The following CABLES1 variants were observed in gnomAD, a reference collection of about 807,000 sequenced individuals.
CABLES1 encodes the protein Cdk5 and Abl enzyme substrate 1, also known as CDK5 and ABL1 enzyme substrate 1.
CABLES1 carries 36 observed loss-of-function variants against 57.8 expected under a neutral mutation model. That is an observed-to-expected ratio of 0.62 (90% CI 0.48 to 0.82). CABLES1 has a LOEUF of 0.82. Among genes scored for constraint, CABLES1 ranks in the 40% least tolerant of loss-of-function variants. The pLI, the probability that CABLES1 is intolerant of heterozygous loss-of-function variation, is 0.00. For synonymous variants in CABLES1, 374 were observed against 363.0 expected (o/e 1.03, Z -0.35); for missense variants, 767 against 836.6 (o/e 0.92, Z 1.03).
intron 3 of CABLES1, among the ~76,000 whole-genome samples, chr18:23,205,480 C>A (rs2047356487): frequency 6.6e-6 from 1 of 152,150 alleles, no homozygotes; most frequent in East Asian, 1.9e-4. Flanking sequence ...AGGCTTGAGC[C>A]ACCATACCTG....
At chr18:23,147,084 G>C (rs572008746) in intron 1 of CABLES1, among the ~76,000 whole-genome samples, 1 of 152,186 alleles carries the variant, frequency 6.6e-6, no homozygotes, top group Non-Finnish European at 1.5e-5. Context: ...TGATAACCTC[G>C]GGCAGGCCAA....
chr18:23,183,320 C>A (rs1355231209), intron 1 of CABLES1, among the ~76,000 whole-genome samples: 1 of 152,166 alleles, frequency 6.6e-6, no homozygotes, highest in African/African-American at 2.4e-5. Context: ...TCTAACAGTA[C>A]CCTTGTGACC....
chr18:23,203,126 G>A (rs1025183662), intron 3 of CABLES1, among the ~76,000 whole-genome samples: 1 of 152,142 alleles, frequency 6.6e-6, no homozygotes, highest in Admixed American at 6.5e-5. Flanking sequence ...CTTGAAGAGC[G>A]ACAGAGCCCT....
In CABLES1 at chr18:23,151,323, G is replaced by A. The variant is rs542441969; in HGVS notation, c.845+14716G>A. ...GTGAGCCACTGTGCCGGGCCTCCCT[G>A]GCCTACGTTTTAAGGTCCCGCTAAC... On this transcript the variant is annotated intron_variant, in intron 1 of 9. Transcript: ENST00000256925. 3.9e-5 allele frequency among the ~76,000 whole-genome samples: 6 copies of A among 152,290 alleles called. No individual in the cohort carries two copies. The East Asian group carries it at 1.2e-3, about 29-fold the overall frequency.
At chr18:23,246,795 G>T (rs1481467418) in intron 7 of CABLES1, among the ~76,000 whole-genome samples, 1 of 151,530 alleles carries the variant, frequency 6.6e-6, no homozygotes, top group Admixed American at 6.6e-5. Context: ...AGGTTCAAGC[G>T]ATTCTTCCTG....
intron 1 of CABLES1, chr18:23,155,893 C>T: frequency 6.2e-7 from 1 of 1,613,958 alleles, no homozygotes; most frequent in Non-Finnish European, 8.5e-7. Context: ...GCCTCTGCCT[C>T]CTTCCTTGAA....
intron 1 of CABLES1, among the ~76,000 whole-genome samples, chr18:23,137,395 C>G (rs1352660168): frequency 6.6e-6 from 1 of 152,096 alleles, no homozygotes; most frequent in Non-Finnish European, 1.5e-5. Context: ...AAGGGGCAGT[C>G]GGAGGTTGGG....
chr18:23,189,048 C>A, intron 2 of CABLES1, 139 bp downstream of exon 2: 1 of 615,988 alleles, frequency 1.6e-6, no homozygotes, highest in Non-Finnish European at 2.8e-6. Context: ...GGGACATCTC[C>A]TAGTGTCTAA....
intron 1 of CABLES1, among the ~76,000 whole-genome samples, chr18:23,151,075 G>C (rs1414642687): frequency 7.1e-6 from 1 of 140,988 alleles, no homozygotes; most frequent in Non-Finnish European, 1.5e-5. Context: ...CTGGAGTGCA[G>C]TGGCGCGATC....
chr18:23,236,117 A>T, intron 6 of CABLES1, 66 bp downstream of exon 6: 3 of 1,545,808 alleles, frequency 1.9e-6, no homozygotes, highest in Non-Finnish European at 2.7e-6. Flanking sequence ...TTACATGGGG[A>T]TTGAGTCTCC....
intron 1 of CABLES1, among the ~76,000 whole-genome samples, chr18:23,172,596 A>G (rs1322845519): frequency 6.6e-6 from 1 of 152,230 alleles, no homozygotes; most frequent in African/African-American, 2.4e-5. Flanking sequence ...TGTTAAGAAT[A>G]TATTATTTTC....
At chr18:23,241,202 T>A (rs1429020006) in intron 7 of CABLES1, among the ~76,000 whole-genome samples, 1 of 152,162 alleles carries the variant, frequency 6.6e-6, no homozygotes, top group Non-Finnish European at 1.5e-5. Flanking sequence ...CCCCATGTCA[T>A]GTGTGTCAGT....
At chr18:23,181,218 T>TAA (rs1439444919) in intron 1 of CABLES1, among the ~76,000 whole-genome samples, 1 of 152,112 alleles carries the variant, frequency 6.6e-6, no homozygotes, top group Non-Finnish European at 1.5e-5. Flanking sequence ...AGCCGCGGTG[T>TAA]AATCCCAGCT....
At chr18:23,233,026 C>A (rs2047577682) in intron 4 of CABLES1, among the ~76,000 whole-genome samples, 1 of 152,184 alleles carries the variant, frequency 6.6e-6, no homozygotes, top group East Asian at 1.9e-4. Context: ...TAGGAGATGA[C>A]CCCTGAATAT....
Position 23,253,013 on chromosome 18 carries a change from G to C in CABLES1, c.1500G>C (p.Glu500Asp). 1 of 1,613,922 alleles carries C rather than the reference G, an allele frequency of 6.2e-7. No individual in the cohort carries two copies. Among genetic ancestry groups the C allele is most frequent in the African/African-American group, 1.3e-5 (1 of 75,024 alleles). Residue 500 changes from glutamate to aspartate, a missense_variant, in exon 8 of 10, where the codon GAG (glutamate) becomes GAC (aspartate). By Grantham distance (45) the Glu-to-Asp change is conservative. Coordinates refer to ENST00000256925, the MANE Select transcript of CABLES1 (RefSeq NM_001100619.3). The part of the protein sequence containing the change: ...KPSDLKKDMN[E>D]TFKEKFPHIK... ...CGGATCTCAAGAAGGACATGAACGA[G>C]ACCTTCAAGGAGAAGTTTCCTCACA...
Position 23,144,026 on chromosome 18 carries a change from G to A in CABLES1, c.845+7419G>A, listed in dbSNP as rs369555311. 2.2e-4 allele frequency among the ~76,000 whole-genome samples: 34 copies of A among 152,308 alleles called. No individual in the cohort carries two copies. In the Middle Eastern group the frequency reaches 0.01, roughly 46 times the overall value. Reference sequence around the variant, plus strand: ...TTACAGAGGGCACCCACGCTGCTCCGTGCCCCAGGCTCTGGCACTCTCAGG... The same window carrying A: ...TTACAGAGGGCACCCACGCTGCTCCATGCCCCAGGCTCTGGCACTCTCAGG... On this transcript the variant is annotated intron_variant, in intron 1 of 9. Coordinates refer to ENST00000256925, the MANE Select transcript of CABLES1 (RefSeq NM_001100619.3).
At chr18:23,191,703 A>C (rs1204721550) in intron 2 of CABLES1, among the ~76,000 whole-genome samples, 1 of 152,222 alleles carries the variant, frequency 6.6e-6, no homozygotes, top group Admixed American at 6.5e-5. Context: ...ATTTAATTCT[A>C]TGCTAATTTA....
chr18:23,173,200 A>T (rs1188830885), intron 1 of CABLES1, among the ~76,000 whole-genome samples: 1 of 152,278 alleles, frequency 6.6e-6, no homozygotes, highest in South Asian at 2.1e-4. Context: ...CCTGTGCTGG[A>T]GCATCTGTCG....
At chr18:23,164,066 G>A (rs1598806407) in intron 1 of CABLES1, among the ~76,000 whole-genome samples, 1 of 152,168 alleles carries the variant, frequency 6.6e-6, no homozygotes, top group African/African-American at 2.4e-5. Flanking sequence ...GCCATGCTGT[G>A]CTTAGGACTC....
Sources: gnomAD v4.1 joint callset for allele counts (sites outside exome capture counted in the v4.1 genomes callset) on GRCh38, gnomAD v4.1.1 for gene constraint, MANE v1.5 for transcripts, NCBI Gene and HGNC (gene_info 2026-07-23, HGNC 2026-07-21) for gene names.